The following ANKRD45 variants were observed in gnomAD, a reference collection of about 807,000 sequenced individuals.
The protein encoded by ANKRD45 is ankyrin repeat domain 45.
In ANKRD45, 21 loss-of-function variants were observed where a neutral mutation model predicts 28.1. The ratio of observed to expected loss-of-function variants is 0.75; its 90% CI spans 0.53 to 1.08. The LOEUF is 1.08. ANKRD45 is among the 50% of genes least tolerant of loss of function. The probability of loss-of-function intolerance (pLI) is 0.00; values close to 1 mark genes in which losing one functional copy is unlikely to be tolerated. For synonymous variants in ANKRD45, 86 were observed against 103.9 expected (o/e 0.83, Z 1.05); for missense variants, 261 against 308.7 (o/e 0.85, Z 1.16).
chr1:173,613,824 GA>G (rs1206055352), intron 5 of ANKRD45, among the ~76,000 whole-genome samples: 1 of 152,256 alleles, frequency 6.6e-6, no homozygotes, highest in Non-Finnish European at 1.5e-5. Flanking sequence ...TTGTGGAATA[GA>G]AAAGGGGGAA....
In ANKRD45 at chr1:173,631,524, G is replaced by A. The variant is rs377174151; in HGVS notation, c.497-4365C>T. On this transcript the variant is annotated intron_variant, in intron 3 of 5. Transcript: ENST00000333279. Reference sequence around the variant, plus strand: ...TTACAGAACATTTCATTCAGTGACTGCACAATGCACATTTTTCTACTCAGC... The same window carrying A: ...TTACAGAACATTTCATTCAGTGACTACACAATGCACATTTTTCTACTCAGC... 2.9e-4 allele frequency among the ~76,000 whole-genome samples: 44 copies of A among 152,100 alleles called. 1 individual carries two copies. The highest frequency in any genetic ancestry group is 9.9e-4 in the African/African-American group (41 of 41,526).
intron 2 of ANKRD45, among the ~76,000 whole-genome samples, chr1:173,655,135 C>A (rs145361998): frequency 0.012 from 1,761 of 152,270 alleles, 44 homozygotes; most frequent in African/African-American, 0.041. Flanking sequence ...CAGCTTTGTT[C>A]CGTTGCTGGT....
At chr1:173,698,653 A>G in the ANKRD45 span, among the ~76,000 whole-genome samples, 3 of 152,176 alleles carry the variant, frequency 2.0e-5, no homozygotes, top group Admixed American at 1.3e-4. Flanking sequence ...CAGAATCTCC[A>G]GGACACATTT....
the ANKRD45 span, among the ~76,000 whole-genome samples, chr1:173,705,851 T>A: frequency 2.6e-5 from 4 of 152,086 alleles, no homozygotes; most frequent in Non-Finnish European, 5.9e-5. Flanking sequence ...CATTTATCTT[T>A]CAATTTATAT....
At chr1:173,690,781 T>C in the ANKRD45 span, among the ~76,000 whole-genome samples, 3 of 152,236 alleles carry the variant, frequency 2.0e-5, no homozygotes, top group Admixed American at 6.5e-5. Flanking sequence ...CCTTACTCCC[T>C]GTCTTGCTTG....
the ANKRD45 span, among the ~76,000 whole-genome samples, chr1:173,685,835 AG>A: frequency 6.6e-6 from 1 of 152,302 alleles, no homozygotes; most frequent in South Asian, 2.1e-4. Flanking sequence ...GGCTTAGAAA[AG>A]GGGAAGAACT....
intron 2 of ANKRD45, among the ~76,000 whole-genome samples, chr1:173,647,543 C>A (rs1668991207): frequency 6.6e-6 from 1 of 152,126 alleles, no homozygotes; most frequent in African/African-American, 2.4e-5. Context: ...TAGACTTTCT[C>A]AAGTGACTAT....
At chr1:173,681,815 G>A in the ANKRD45 span, among the ~76,000 whole-genome samples, 4 of 152,104 alleles carry the variant, frequency 2.6e-5, no homozygotes, top group East Asian at 7.7e-4. Context: ...ACTTTGGGAG[G>A]CTGAGGTGGG....
intron 3 of ANKRD45, among the ~76,000 whole-genome samples, chr1:173,636,432 A>G (rs1320066534): frequency 6.6e-6 from 1 of 152,206 alleles, no homozygotes; most frequent in Non-Finnish European, 1.5e-5. Context: ...AACCTCATTG[A>G]CCTTCAGAAG....
chr1:173,705,142 C>T, the ANKRD45 span, among the ~76,000 whole-genome samples: 2 of 152,142 alleles, frequency 1.3e-5, no homozygotes, highest in Non-Finnish European at 2.9e-5. Context: ...GCACTTCTAG[C>T]ATCCGGTGGA....
the ANKRD45 span, among the ~76,000 whole-genome samples, chr1:173,701,510 T>G: frequency 6.6e-6 from 1 of 152,334 alleles, no homozygotes; most frequent in Admixed American, 6.5e-5. Context: ...TGAGTTCATA[T>G]CCTTTATAGG....
At chr1:173,624,748 C>G (rs144113895) in intron 5 of ANKRD45, 39 bp downstream of exon 5, 1 of 1,576,756 alleles carries the variant, frequency 6.3e-7, no homozygotes, top group East Asian at 2.2e-5. Flanking sequence ...TAATTTTCAT[C>G]CCTTCTGACA....
chr1:173,680,776 A>G, the ANKRD45 span, among the ~76,000 whole-genome samples: 2 of 152,080 alleles, frequency 1.3e-5, no homozygotes, highest in Non-Finnish European at 2.9e-5. Context: ...ACCATGGAAT[A>G]CTATGCAGCC....
chr1:173,661,062 C>A (rs189320755), intron 1 of ANKRD45, among the ~76,000 whole-genome samples: 5 of 152,108 alleles, frequency 3.3e-5, no homozygotes, highest in Admixed American at 2.6e-4. Flanking sequence ...ATATATATAT[C>A]TCAAGATGTA....
chr1:173,688,490 G>GCCTCTTCCTCTA, the ANKRD45 span, among the ~76,000 whole-genome samples: 1 of 96,494 alleles, frequency 1.0e-5, no homozygotes, highest in African/African-American at 4.3e-5. Context: ...CTCTCTCTCT[G>GCCTCTTCCTCTA]CCTCTTCCTC....
intron 2 of ANKRD45, among the ~76,000 whole-genome samples, chr1:173,655,744 G>A (rs1264772785): frequency 6.6e-6 from 1 of 152,240 alleles, no homozygotes; most frequent in African/African-American, 2.4e-5. Context: ...TTGCTGAGCT[G>A]TGGTGGGCTC....
intron 3 of ANKRD45, chr1:173,635,887 A>T: frequency 7.2e-7 from 1 of 1,380,630 alleles, no homozygotes; most frequent in East Asian, 2.5e-5. Flanking sequence ...AAAATCTCTA[A>T]GGGTTTAGAA....
intron 1 of ANKRD45, among the ~76,000 whole-genome samples, chr1:173,668,949 T>C (rs1185312055): frequency 6.6e-6 from 1 of 152,238 alleles, no homozygotes; most frequent in Non-Finnish European, 1.5e-5. Flanking sequence ...GAAATGAGGA[T>C]AGCACCTGGT....
At chr1:173,656,817 A>G (rs1445970734) in intron 2 of ANKRD45, among the ~76,000 whole-genome samples, 5 of 151,914 alleles carry the variant, frequency 3.3e-5, no homozygotes, top group Admixed American at 6.6e-5. Flanking sequence ...GAAAAATCCA[A>G]TGTTGGGTAA....
Sources: gnomAD v4.1 joint callset for allele counts (sites outside exome capture counted in the v4.1 genomes callset) on GRCh38, gnomAD v4.1.1 for gene constraint, MANE v1.5 for transcripts, NCBI Gene and HGNC (gene_info 2026-07-23, HGNC 2026-07-21) for gene names.